KLHL4: variants seen among roughly 807,000 people sequenced by gnomAD.
KLHL4 encodes kelch-like protein 4.
In KLHL4, 17 loss-of-function variants were observed where a neutral mutation model predicts 45.8. That is an observed-to-expected ratio of 0.37 (90% CI 0.25 to 0.56). The LOEUF is 0.56. Among genes scored for constraint, KLHL4 ranks in the 20% least tolerant of loss-of-function variants. The pLI is 0.79. For synonymous variants in KLHL4, 224 were observed against 189.9 expected, an observed-to-expected ratio of 1.18 and a Z score of -1.47; for missense variants, 544 against 544.9, an observed-to-expected ratio of 1.00 and a Z score of 0.02.
chrX:87,525,785 A>G (rs1931098860), intron 1 of KLHL4, among the ~76,000 whole-genome samples: 1 of 111,846 alleles, frequency 8.9e-6, no homozygotes, highest in Admixed American at 9.5e-5. Context: ...CCAAATATCA[A>G]TGATCATATT....
At position 87,584,361 on chromosome X, in the gene KLHL4, G is replaced by A. The variant is rs779369380; in HGVS notation, c.423-29516G>A. Reference sequence around the variant, plus strand: ...GGAAACATGACCTCAATAAATGAACGAAATAAGGTACCAGGGACCAATTCT... The same window carrying A: ...GGAAACATGACCTCAATAAATGAACAAAATAAGGTACCAGGGACCAATTCT... On this transcript the variant is annotated intron_variant, in intron 1 of 10. Transcript: ENST00000373119. Among the ~76,000 whole-genome samples the A allele has an allele frequency of 1.7e-4, 19 of 111,985 alleles. No individual in the cohort carries two copies. In the South Asian group the frequency reaches 6.3e-3, roughly 37 times the overall value.
intron 1 of KLHL4, among the ~76,000 whole-genome samples, chrX:87,600,553 T>G (rs1373200012): frequency 9.0e-6 from 1 of 111,713 alleles, no homozygotes; most frequent in Non-Finnish European, 1.9e-5. Flanking sequence ...TGCTCCTGCT[T>G]TTGCCATGTC....
chrX:87,554,296 A>G (rs1001936602), intron 1 of KLHL4, among the ~76,000 whole-genome samples: 7 of 91,381 alleles, frequency 7.7e-5, no homozygotes, highest in African/African-American at 2.9e-4. Flanking sequence ...TGAATCTATA[A>G]ATTACCTTGG....
At chrX:87,665,245 A>C (rs1924329548) in intron 10 of KLHL4, among the ~76,000 whole-genome samples, 1 of 111,251 alleles carries the variant, frequency 9.0e-6, no homozygotes, top group South Asian at 3.7e-4. Flanking sequence ...AAAATACTTC[A>C]GTAATAAATA....
intron 1 of KLHL4, among the ~76,000 whole-genome samples, chrX:87,611,383 G>T (rs1922364971): frequency 9.0e-6 from 1 of 110,822 alleles, no homozygotes; most frequent in African/African-American, 3.3e-5. Context: ...TGATGGAACT[G>T]GTTCAAGTAC....
intron 1 of KLHL4, among the ~76,000 whole-genome samples, chrX:87,532,115 G>C (rs1469125018): frequency 2.7e-5 from 3 of 109,860 alleles, no homozygotes; most frequent in African/African-American, 9.9e-5. Context: ...TTTGTATAAG[G>C]TGTAAGGAAG....
intron 1 of KLHL4, among the ~76,000 whole-genome samples, chrX:87,592,943 A>G (rs1312981024): frequency 1.8e-5 from 2 of 111,740 alleles, no homozygotes; most frequent in Non-Finnish European, 3.8e-5. Flanking sequence ...GCCTATTCTT[A>G]AAGAATGGTA....
chrX:87,653,527 G>A (rs1341360892), intron 9 of KLHL4, among the ~76,000 whole-genome samples: 1 of 111,989 alleles, frequency 8.9e-6, no homozygotes, highest in Non-Finnish European at 1.9e-5. Context: ...TACACTGTTG[G>A]TGGGAATGTA....
At chrX:87,588,728 A>G (rs1402840856) in intron 1 of KLHL4, among the ~76,000 whole-genome samples, 2 of 111,030 alleles carry the variant, frequency 1.8e-5, no homozygotes, top group Non-Finnish European at 3.8e-5. Flanking sequence ...TCTCCAGGAC[A>G]TTGGTCTGAG....
At chrX:87,595,097 G>T (rs1177301181) in intron 1 of KLHL4, among the ~76,000 whole-genome samples, 2 of 108,358 alleles carry the variant, frequency 1.8e-5, no homozygotes, top group Non-Finnish European at 3.8e-5. Flanking sequence ...GTATACATGT[G>T]CCATGTTGGT....
intron 1 of KLHL4, among the ~76,000 whole-genome samples, chrX:87,533,840 A>G (rs938116957): frequency 1.8e-5 from 2 of 111,428 alleles, no homozygotes; most frequent in Admixed American, 9.7e-5. Context: ...AAAACCTTCT[A>G]TGAGGGAAAG....
At chrX:87,533,537 C>T (rs200869946) in intron 1 of KLHL4, among the ~76,000 whole-genome samples, 1 of 97,568 alleles carries the variant, frequency 1.0e-5, no homozygotes, top group East Asian at 3.3e-4. Context: ...GGGAATATCA[C>T]ACTCTGGGGA....
At chrX:87,532,790 C>A in intron 1 of KLHL4, among the ~76,000 whole-genome samples, 1 of 110,028 alleles carries the variant, frequency 9.1e-6, no homozygotes, top group African/African-American at 3.3e-5. Context: ...ATTTTGTATC[C>A]TGAGACTTTG....
chrX:87,620,563 T>A, intron 4 of KLHL4, among the ~76,000 whole-genome samples: 2 of 112,053 alleles, frequency 1.8e-5, no homozygotes, highest in Middle Eastern at 4.7e-3. Flanking sequence ...TATTGAGGTG[T>A]CCGTAATATT....
At chrX:87,617,073 A>G (rs765042838) in intron 3 of KLHL4, among the ~76,000 whole-genome samples, 17 of 112,035 alleles carry the variant, frequency 1.5e-4, no homozygotes, top group Non-Finnish European at 2.8e-4. Flanking sequence ...GTCTCATAAA[A>G]TCGCAGAATT....
At chrX:87,635,472 A>G in intron 8 of KLHL4, 91 bp from the exon 9 acceptor site, 1 of 653,248 alleles carries the variant, frequency 1.5e-6, no homozygotes, top group Non-Finnish European at 2.3e-6. Context: ...AGCTTTGTAC[A>G]AAGTTCTCTC....
intron 9 of KLHL4, among the ~76,000 whole-genome samples, chrX:87,655,590 G>T (rs1379007673): frequency 9.0e-6 from 1 of 110,912 alleles, no homozygotes; most frequent in Non-Finnish European, 1.9e-5. Context: ...TATCAATAAG[G>T]TGAGTTTCTT....
intron 1 of KLHL4, among the ~76,000 whole-genome samples, chrX:87,587,053 C>T (rs989811115): frequency 1.9e-5 from 2 of 105,168 alleles, no homozygotes; most frequent in Non-Finnish European, 3.9e-5. Context: ...TACATAAAAC[C>T]TACCAAGATT....
chrX:87,518,973 A>C (rs2147758092), intron 1 of KLHL4, among the ~76,000 whole-genome samples: 1 of 112,025 alleles, frequency 8.9e-6, no homozygotes, highest in Admixed American at 9.6e-5. Context: ...ATAAAATGAA[A>C]ATTGAATAAA....
Sources: allele counts gnomAD v4.1 joint callset (sites outside exome capture counted in the v4.1 genomes callset), GRCh38; gene constraint gnomAD v4.1.1; transcripts MANE v1.5; gene names NCBI Gene and HGNC (gene_info 2026-07-23, HGNC 2026-07-21).